Variants in SYCP2 observed in about 807,000 individuals in gnomAD.
SYCP2 encodes the protein synaptonemal complex protein 2.
A neutral mutation model predicts 211.3 loss-of-function variants in SYCP2; 55 were observed. The observed-to-expected ratio is 0.26, with a 90% confidence interval of 0.21 to 0.33. The LOEUF (loss-of-function observed/expected upper bound fraction) is 0.33. SYCP2 is among the 10% of genes least tolerant of loss of function. The pLI is 1.00. For missense variants in SYCP2, 1,731 were observed against 1,752.0 expected (o/e 0.99, Z 0.21); for synonymous variants, 570 against 555.2 (o/e 1.03, Z -0.37).
In SYCP2 at chr20:59,921,317, A is replaced by G. The variant is rs1408765410; in HGVS notation, c.161T>C (p.Ile54Thr). The G allele has an allele frequency of 6.2e-7, 1 of 1,600,316 alleles. No homozygotes were observed. Among genetic ancestry groups the G allele is most frequent in the Non-Finnish European group, 8.5e-7 (1 of 1,173,004 alleles). The change falls in exon 4 of 45, where the codon ATA becomes ACA. Residue 54 changes from isoleucine (I) to threonine (T), a missense_variant. Ile to Thr is a moderately conservative substitution (Grantham distance 89, BLOSUM62 -1). This residue lies in a region of SYCP2 where 335 missense variants were observed against 378.8 expected (regional missense o/e 0.88). Coordinates refer to ENST00000357552, the MANE Select transcript of SYCP2 (RefSeq NM_014258.4). ...GCAAAAATGAATATTTACCCTGCAT[A>G]TAAGGTTGTCCACCTTGTGGAAAAA... ...KQFFHKVDNL[I>T]CRELNKEDIH...
In SYCP2 at chr20:59,911,357, ATGAT is replaced by A. The variant is rs760333829; in HGVS notation, c.972+389_972+392del. Among the ~76,000 whole-genome samples, 6 of 152,342 alleles carry A rather than the reference ATGAT, an allele frequency of 3.9e-5. No individual in the cohort carries two copies. The East Asian group carries it at 1.2e-3, about 29-fold the overall frequency. On this transcript the variant is annotated intron_variant, in intron 14 of 44. Transcript: ENST00000357552. The stretch of plus-strand genomic sequence containing the variant: ...TATTTCCAAAGAGAAGGTTTTATGA[ATGAT>A]TAAGTTAGGTCCACTTGTCACTGTC...
chr20:59,879,456 T>C (rs377091375), intron 31 of SYCP2, among the ~76,000 whole-genome samples: 1 of 151,994 alleles, frequency 6.6e-6, no homozygotes. Context: ...AAATGAAAGC[T>C]GATGCCCTTA....
At chr20:59,865,548 C>A in intron 43 of SYCP2, 25 bp downstream of exon 43, 2 of 1,580,792 alleles carry the variant, frequency 1.3e-6, no homozygotes, top group African/African-American at 1.4e-5. Context: ...AGAGAGGTAA[C>A]CTATAAAAAG....
At chr20:59,899,869 G>A (rs1302394386) in intron 18 of SYCP2, among the ~76,000 whole-genome samples, 1 of 151,892 alleles carries the variant, frequency 6.6e-6, no homozygotes, top group Non-Finnish European at 1.5e-5. Context: ...GAACAAAAAG[G>A]ATACATTCAA....
At chr20:59,919,111 T>C in intron 7 of SYCP2, 47 bp downstream of exon 7, 1 of 1,005,478 alleles carries the variant, frequency 9.9e-7, no homozygotes, top group Non-Finnish European at 1.5e-6. Context: ...ACTAAAACTC[T>C]AACAGTAAAA....
chr20:59,927,716 C>T (rs1306359356), intron 2 of SYCP2, among the ~76,000 whole-genome samples: 2 of 152,148 alleles, frequency 1.3e-5, no homozygotes, highest in African/African-American at 2.4e-5. Flanking sequence ...AGTATACCAT[C>T]GGCCTCTCTC....
chr20:59,916,875 TGCCACTGTACTC>T (rs1217927238), intron 7 of SYCP2, among the ~76,000 whole-genome samples: 4 of 152,074 alleles, frequency 2.6e-5, no homozygotes, highest in Non-Finnish European at 5.9e-5. Flanking sequence ...GCCGTGATCG[TGCCACTGTACTC>T]CAGCCTGGGT....
chr20:59,881,116 C>G (rs2059670515), intron 29 of SYCP2, 93 bp from the exon 30 acceptor site: 3 of 707,596 alleles, frequency 4.2e-6, no homozygotes, highest in East Asian at 3.0e-5. Context: ...AGTTTTCAGT[C>G]TTAACTTTTT....
chr20:59,881,490 G>A lies in SYCP2; in HGVS notation c.2661C>T (p.Ile887=). The A allele has an allele frequency of 6.7e-7, 1 of 1,487,258 alleles. No individual in the cohort carries two copies. Among genetic ancestry groups the A allele is most frequent in the Admixed American group, 2.2e-5 (1 of 46,460 alleles). 92.1% of individuals were successfully genotyped at this position (1,487,258 alleles called of 1,614,324 possible). The change falls in exon 29 of 45, where the codon ATC becomes ATT. Residue 887 remains isoleucine, a splice_region_variant and synonymous_variant. Coordinates refer to ENST00000357552, the MANE Select transcript of SYCP2 (RefSeq NM_014258.4). ...CTTTAGCTGTAGCTTGAAACTCTTGGATCTATATTGTAAATAAACAAAAAA... is the reference window on the plus strand; with the variant it reads ...CTTTAGCTGTAGCTTGAAACTCTTGAATCTATATTGTAAATAAACAAAAAA... ...GADDPIIKLG[I]QEFQATAKEA... is the part of the protein sequence containing the mutation.
At chr20:59,909,671 C>A (rs1263799495) in intron 14 of SYCP2, among the ~76,000 whole-genome samples, 1 of 152,164 alleles carries the variant, frequency 6.6e-6, no homozygotes, top group Non-Finnish European at 1.5e-5. Context: ...TTTTGCAATC[C>A]CCTATGCCCT....
chr20:59,884,052 G>A (rs1180374242), intron 26 of SYCP2, among the ~76,000 whole-genome samples: 4 of 151,900 alleles, frequency 2.6e-5, no homozygotes, highest in Non-Finnish European at 5.9e-5. Flanking sequence ...AAATACAATA[G>A]AAAATATTGT....
chr20:59,878,292 A>T (rs771872008), intron 31 of SYCP2, among the ~76,000 whole-genome samples: 2 of 152,054 alleles, frequency 1.3e-5, no homozygotes, highest in Non-Finnish European at 2.9e-5. Flanking sequence ...CTATTTTGGA[A>T]GCTTTTCCTT....
chr20:59,880,283 T>A lies in SYCP2; in HGVS notation c.2941+20A>T, dbSNP rs1184610765. 4 of 1,544,078 alleles carry A rather than the reference T, an allele frequency of 2.6e-6. No individual in the cohort carries two copies. The highest frequency in any genetic ancestry group is 8.8e-7 in the Non-Finnish European group (1 of 1,134,718). ...ACTGCAAAATCATTTGCAACATTTA[T>A]CCAAAAGATAATTTCTTACTTGATT... On this transcript the variant is annotated intron_variant, in intron 31 of 44. Coordinates refer to ENST00000357552, the MANE Select transcript of SYCP2 (RefSeq NM_014258.4).
intron 15 of SYCP2, among the ~76,000 whole-genome samples, chr20:59,902,512 C>G (rs958281567): frequency 2.6e-5 from 4 of 152,094 alleles, no homozygotes; most frequent in Admixed American, 2.6e-4. Flanking sequence ...AGTCTCCAAC[C>G]CTGCCCACAA....
chr20:59,891,926 T>C lies in SYCP2; in HGVS notation c.2364+64A>G, dbSNP rs2059915200. On this transcript the variant is annotated intron_variant, in intron 24 of 44. Transcript: ENST00000357552. Reference sequence around the variant, plus strand: ...TGTAGCAATTAATCAAGTTTCTTTCTTTCTTATGTTATCAAGTAGGCATCT... The same window carrying C: ...TGTAGCAATTAATCAAGTTTCTTTCCTTCTTATGTTATCAAGTAGGCATCT... 2.2e-6 allele frequency: 3 copies of C among 1,376,220 alleles called. No individual in the cohort carries two copies. In the African/African-American group the frequency reaches 4.4e-5, roughly 20 times the overall value. 85.3% of individuals were successfully genotyped at this position (1,376,220 alleles called of 1,614,324 possible).
intron 25 of SYCP2, 64 bp downstream of exon 25, chr20:59,886,643 T>A (rs1053653099): frequency 8.0e-7 from 1 of 1,245,742 alleles, no homozygotes; most frequent in Non-Finnish European, 1.1e-6. Context: ...TTAACCTTTT[T>A]AAAATTGTGT....
At chr20:59,906,354 A>C (rs553485177) in intron 15 of SYCP2, among the ~76,000 whole-genome samples, 47 of 152,270 alleles carry the variant, frequency 3.1e-4, no homozygotes, top group Middle Eastern at 3.4e-3. Flanking sequence ...AGAAAAGTAG[A>C]CCTATGATAA....
intron 14 of SYCP2, 75 bp downstream of exon 14, chr20:59,911,675 T>C: frequency 6.7e-6 from 4 of 594,042 alleles, no homozygotes; most frequent in Non-Finnish European, 1.1e-5. Context: ...TATAAAGAAA[T>C]CCACATTCTT....
In SYCP2 at chr20:59,880,475, TAA is replaced by T. The variant is rs747137339; in HGVS notation, c.2773-6_2773-5del. The T allele has an allele frequency of 7.9e-6, 12 of 1,520,468 alleles. No homozygotes were observed. The African/African-American group carries it at 1.4e-4, about 18-fold the overall frequency. 94.2% of individuals were successfully genotyped at this position (1,520,468 alleles called of 1,614,324 possible). A position where few individuals can be genotyped will look rare whatever the true frequency, so the allele number is the denominator to read the frequency against. ...TCTTTTGATGATTTGTTATAATCTATAAAAAAAAGTTTGAAATGCATGAAGAA... is the reference window on the plus strand; with the variant it reads ...TCTTTTGATGATTTGTTATAATCTATAAAAAAGTTTGAAATGCATGAAGAA... On this transcript the variant is annotated splice_region_variant and splice_polypyrimidine_tract_variant and intron_variant, in intron 30 of 44. Transcript: ENST00000357552.
Sources: gnomAD v4.1 joint callset for allele counts (sites outside exome capture counted in the v4.1 genomes callset) on GRCh38, gnomAD v4.1.1 for gene constraint, gnomAD v4.1.1 regional missense constraint, MANE v1.5 for transcripts, NCBI Gene and HGNC (gene_info 2026-07-23, HGNC 2026-07-21) for gene names.